Variants in KCNQ2 observed in about 807,000 individuals in gnomAD.
KCNQ2 encodes the protein potassium voltage-gated channel subfamily KQT member 2.
Under a neutral mutation model 84.8 loss-of-function variants are expected in KCNQ2, and 14 were observed. That is an observed-to-expected ratio of 0.17 (90% CI 0.11 to 0.26). The LOEUF is 0.26. Ranked by LOEUF, KCNQ2 falls within the 10% of genes least tolerant of loss-of-function variation. The pLI is 1.00. For synonymous variants in KCNQ2, 599 were observed against 554.1 expected, an observed-to-expected ratio of 1.08 and a Z score of -1.14; for missense variants, 788 against 1,254.0, an observed-to-expected ratio of 0.63 and a Z score of 5.61.
chr20:63,417,033 G>A (rs1256186234), intron 12 of KCNQ2, among the ~76,000 whole-genome samples: 1 of 152,238 alleles, frequency 6.6e-6, no homozygotes, highest in Non-Finnish European at 1.5e-5. Context: ...GGCGTCGCGT[G>A]CTTGGGGACG....
intron 15 of KCNQ2, among the ~76,000 whole-genome samples, chr20:63,411,540 G>A: frequency 6.6e-6 from 1 of 152,214 alleles, no homozygotes; most frequent in East Asian, 1.9e-4. Context: ...GCTTCCCCAG[G>A]GCACTTGTCG....
At chr20:63,470,468 C>T (rs184095801) in intron 1 of KCNQ2, among the ~76,000 whole-genome samples, 71 of 152,342 alleles carry the variant, frequency 4.7e-4, no homozygotes, top group African/African-American at 1.7e-3. Context: ...GACTGCTGCT[C>T]TCAGGAGGCA....
At position 63,442,551 on chromosome 20, in the gene KCNQ2, A is replaced by T; in HGVS notation, c.691-20T>A. On this transcript the variant is annotated intron_variant, in intron 4 of 16. Coordinates refer to ENST00000359125, the MANE Select transcript of KCNQ2 (RefSeq NM_172107.4). Reference sequence around the variant, plus strand: ...CAGCTCCTGAGAGGCAGACGGCACCACCATCATGACCACCATCACCAGAAG... The same window carrying T: ...CAGCTCCTGAGAGGCAGACGGCACCTCCATCATGACCACCATCACCAGAAG... The T allele has an allele frequency of 6.2e-7, 1 of 1,612,198 alleles. No homozygotes were observed. Among genetic ancestry groups the T allele is most frequent in the South Asian group, 1.1e-5 (1 of 91,016 alleles).
chr20:63,433,989 G>A (rs2080911894), intron 7 of KCNQ2, 86 bp from the exon 8 acceptor site: 1 of 1,198,458 alleles, frequency 8.3e-7, no homozygotes, highest in Admixed American at 1.8e-5. Context: ...GAACGGGGCA[G>A]AGGGGACCCC....
chr20:63,444,146 G>A (rs2081344620), intron 4 of KCNQ2, among the ~76,000 whole-genome samples: 1 of 152,234 alleles, frequency 6.6e-6, no homozygotes, highest in Non-Finnish European at 1.5e-5. Flanking sequence ...CGTGAGCAAG[G>A]TGGAGGGACA....
chr20:63,420,880 G>C lies in KCNQ2; in HGVS notation c.1248-1208C>G, dbSNP rs566107569. ...GTGCAAAGGCTGGACTCTGTTTGCT[G>C]GTTAACCACGAACGCGACGGTGGGA... On this transcript the variant is annotated intron_variant, in intron 11 of 16. Coordinates refer to ENST00000359125, the MANE Select transcript of KCNQ2 (RefSeq NM_172107.4). Among the ~76,000 whole-genome samples, 217 of 152,306 alleles carry C rather than the reference G, an allele frequency of 1.4e-3. 3 individuals are homozygous for C. Among genetic ancestry groups the C allele is most frequent in the African/African-American group, 4.8e-3 (201 of 41,548 alleles).
chr20:63,413,722 C>T, intron 14 of KCNQ2, 141 bp from the exon 15 acceptor site: 1 of 977,650 alleles, frequency 1.0e-6, no homozygotes, highest in Non-Finnish European at 1.6e-6. Flanking sequence ...ACCAGCTCCA[C>T]ACACAGAAGG....
intron 7 of KCNQ2, chr20:63,434,511 G>C (rs1242764850): frequency 6.6e-6 from 1 of 152,486 alleles, no homozygotes; most frequent in African/African-American, 2.4e-5. Flanking sequence ...TGCACACACA[G>C]TGCTGTGCGA....
intron 1 of KCNQ2, among the ~76,000 whole-genome samples, chr20:63,454,593 G>A (rs1482687942): frequency 6.6e-6 from 1 of 152,258 alleles, no homozygotes; most frequent in African/African-American, 2.4e-5. Context: ...GCCGAACCGT[G>A]GGGAAGACAC....
intron 2 of KCNQ2, chr20:63,445,613 T>G: frequency 1.7e-6 from 1 of 580,908 alleles, no homozygotes. Flanking sequence ...CCCACCTCCC[T>G]GTCTGAGCTG....
Position 63,472,161 on chromosome 20 carries a change from C to T in KCNQ2, c.296+7G>A, listed in dbSNP as rs1407683941. ...GGGTCGCCACGGGGGCCCCGCCGGC[C>T]ACTCACACGTAGGCGTGGTAGATGA... On this transcript the variant is annotated splice_region_variant and intron_variant, in intron 1 of 16. Transcript: ENST00000359125. 1 of 1,498,652 alleles carries T rather than the reference C, an allele frequency of 6.7e-7. No individual in the cohort carries two copies. The highest frequency in any genetic ancestry group is 2.8e-5 in the East Asian group (1 of 35,674). The allele number at this position is 1,498,652 out of a possible 1,614,324, so 92.8% of individuals were successfully genotyped here.
At chr20:63,449,630 C>T (rs1385664622) in intron 1 of KCNQ2, among the ~76,000 whole-genome samples, 1 of 151,326 alleles carries the variant, frequency 6.6e-6, no homozygotes. Flanking sequence ...GTGGGAGAGC[C>T]CCTGGGGAGC....
chr20:63,454,106 G>A (rs2081701359), intron 1 of KCNQ2, among the ~76,000 whole-genome samples: 1 of 152,168 alleles, frequency 6.6e-6, no homozygotes, highest in South Asian at 2.1e-4. Flanking sequence ...GAGATCTGTG[G>A]CTCCTCCCAG....
At chr20:63,462,200 C>G (rs1165337744) in intron 1 of KCNQ2, among the ~76,000 whole-genome samples, 1 of 141,396 alleles carries the variant, frequency 7.1e-6, no homozygotes, top group Admixed American at 7.0e-5. Context: ...TGCATCTACC[C>G]CAGGGAGCAG....
In KCNQ2 at chr20:63,408,139, G is replaced by C; in HGVS notation, c.1887+274C>G. ...GGCACGTTCCACAAGGAACCCCTGA[G>C]GGATCCACCTCTCAGCAGCCCCCAC... On this transcript the variant is annotated intron_variant, in intron 16 of 16. Coordinates refer to ENST00000359125, the MANE Select transcript of KCNQ2 (RefSeq NM_172107.4). This position sits in a 1 kb window ranked among gnomAD's most constrained non-coding sequence, Gnocchi z 5.0. 2.0e-6 allele frequency: 1 copy of C among 488,364 alleles called. No individual in the cohort carries two copies. The highest frequency in any genetic ancestry group is 3.8e-6 in the Non-Finnish European group (1 of 265,478). 30.3% of individuals were successfully genotyped at this position (488,364 alleles called of 1,614,324 possible). A position where few individuals can be genotyped will look rare whatever the true frequency, so the allele number is the denominator to read the frequency against.
At chr20:63,424,363 C>T (rs1281459572) in intron 10 of KCNQ2, 157 bp from the exon 11 acceptor site, 4 of 827,988 alleles carry the variant, frequency 4.8e-6, no homozygotes, top group Non-Finnish European at 5.8e-6. Flanking sequence ...CCACCCACCC[C>T]AGAGAGCCCA....
At chr20:63,444,173 T>C (rs1254957787) in intron 4 of KCNQ2, among the ~76,000 whole-genome samples, 2 of 152,140 alleles carry the variant, frequency 1.3e-5, no homozygotes, top group African/African-American at 4.8e-5. Flanking sequence ...TCTGGCAGGA[T>C]GGGGTCTCGG....
rs188293543 is a variant in KCNQ2, at chr20:63,444,432, T to C, written c.690+227A>G. 2.2e-3 allele frequency among the ~76,000 whole-genome samples: 342 copies of C among 152,224 alleles called. 4 individuals are homozygous for C. The highest frequency in any genetic ancestry group is 4.7e-4 in the Non-Finnish European group (32 of 68,008). ...TGGCCTGGCCTTTCGAAAAAGCAGC[T>C]TTCTGGAGACAGATGACAAAGATGG... On this transcript the variant is annotated intron_variant, in intron 4 of 16. Transcript: ENST00000359125.
At position 63,438,380 on chromosome 20, in the gene KCNQ2, C is replaced by G; in HGVS notation, c.1023+245G>C. 2 of 591,234 alleles carry G rather than the reference C, an allele frequency of 3.4e-6. No individual in the cohort carries two copies. The highest frequency in any genetic ancestry group is 3.9e-5 in the South Asian group (2 of 51,360). The allele number at this position is 591,234 out of a possible 1,614,324, so 36.6% of individuals were successfully genotyped here. On this transcript the variant is annotated intron_variant, in intron 7 of 16. Transcript: ENST00000359125. This position sits in a 1 kb window ranked among gnomAD's most constrained non-coding sequence, Gnocchi z 5.1. ...AGGACCTGATGGCCGGGCCCCAGCA[C>G]CCACACAAGGCAAGGGCCACCCCAG...
Sources: allele counts gnomAD v4.1 joint callset (sites outside exome capture counted in the v4.1 genomes callset), GRCh38; gene constraint gnomAD v4.1.1; non-coding constraint Gnocchi (gnomAD v3.1); transcripts MANE v1.5; gene names NCBI Gene and HGNC (gene_info 2026-07-23, HGNC 2026-07-21).